PCM1: variants seen among roughly 807,000 people sequenced by gnomAD.
The protein encoded by PCM1 is pericentriolar material 1 protein.
PCM1 carries 157 observed loss-of-function variants against 241.9 expected under a neutral mutation model. The ratio of observed to expected loss-of-function variants is 0.65; its 90% CI spans 0.57 to 0.74. The LOEUF (loss-of-function observed/expected upper bound fraction) is 0.74. Ranked by LOEUF, PCM1 falls within the 30% of genes least tolerant of loss-of-function variation. PCM1 has a pLI of 0.00. For synonymous variants in PCM1, 1,085 were observed against 784.9 expected (o/e 1.38, Z -6.39); for missense variants, 3,478 against 2,360.1 (o/e 1.47, Z -9.81).
rs1455310790 is a variant in PCM1, at chr8:17,972,599, G to A, written c.3855G>A (p.Gln1285=). ...TCAAGACAAGAAAAGCGTCTGCACA[G>A]GCCAGCCTGGCATCTAAAGATAAAA... ...KTFKTRKASA[Q]ASLASKDKTP... Residue 1285 remains glutamine (Q), a synonymous_variant, in exon 23 of 39, where the codon CAG becomes CAA. Coordinates refer to ENST00000325083, the MANE Select transcript of PCM1 (RefSeq NM_006197.4). 16 of 1,600,772 alleles carry A rather than the reference G, an allele frequency of 1.0e-5. No homozygotes were observed. Among genetic ancestry groups the A allele is most frequent in the Non-Finnish European group, 1.4e-5 (16 of 1,175,692 alleles).
At chr8:17,943,661 T>G (rs1182249313) in intron 6 of PCM1, among the ~76,000 whole-genome samples, 1 of 152,208 alleles carries the variant, frequency 6.6e-6, no homozygotes, top group African/African-American at 2.4e-5. Flanking sequence ...ACTTTCTTGA[T>G]TCTTAAGGCT....
At chr8:17,994,794 G>A (rs992998758) in intron 29 of PCM1, among the ~76,000 whole-genome samples, 1 of 151,496 alleles carries the variant, frequency 6.6e-6, no homozygotes, top group South Asian at 2.1e-4. Flanking sequence ...ATCATGTTGA[G>A]CACCTTTTAT....
intron 9 of PCM1, among the ~76,000 whole-genome samples, chr8:17,954,578 G>A (rs892606218): frequency 2.6e-5 from 4 of 152,194 alleles, no homozygotes; most frequent in Non-Finnish European, 4.4e-5. Flanking sequence ...CAGTGTGAGA[G>A]CAGCAGCAAA....
chr8:18,027,483 C>G (rs1020151253), intron 38 of PCM1, among the ~76,000 whole-genome samples, 154 bp from the exon 39 acceptor site: 2 of 152,136 alleles, frequency 1.3e-5, no homozygotes, highest in Non-Finnish European at 2.9e-5. Flanking sequence ...TCTTTTTTTA[C>G]TGTGTGCTAT....
At chr8:18,019,372 A>G (rs375816402) in intron 36 of PCM1, among the ~76,000 whole-genome samples, 31 of 152,060 alleles carry the variant, frequency 2.0e-4, no homozygotes, top group African/African-American at 5.6e-4. Flanking sequence ...ATGGAAGACA[A>G]TTTTTCCATG....
chr8:18,002,062 T>C (rs1377471180), intron 29 of PCM1, among the ~76,000 whole-genome samples: 1 of 30,888 alleles, frequency 3.2e-5, no homozygotes, highest in Non-Finnish European at 5.9e-5. Context: ...AATTTTTTTT[T>C]TCTTTTTTTT....
intron 23 of PCM1, among the ~76,000 whole-genome samples, chr8:17,976,312 G>A (rs896738335): frequency 7.2e-5 from 11 of 152,248 alleles, no homozygotes. Context: ...GCTAGCTAAC[G>A]ATTGTCCCTT....
At chr8:18,001,995 C>CTTTTTTTTTTTTTTTTTTT (rs1166401113) in intron 29 of PCM1, among the ~76,000 whole-genome samples, 1 of 23,404 alleles carries the variant, frequency 4.3e-5, no homozygotes, top group Admixed American at 7.6e-4. Flanking sequence ...TCTAACCTTT[C>CTTTTTTTTTTTTTTTTTTT]TTTTTTTTTT....
chr8:17,935,726 A>C lies in PCM1; in HGVS notation c.96+20A>C, dbSNP rs1469699506. On this transcript the variant is annotated intron_variant, in intron 3 of 38. Coordinates refer to ENST00000325083, the MANE Select transcript of PCM1 (RefSeq NM_006197.4). The stretch of plus-strand genomic sequence containing the variant: ...AATATGGTATGATTCCTTACTCTTC[A>C]TGGTGTGTTGTTGGCTATTAATGTT... The C allele has an allele frequency of 9.1e-7, 1 of 1,102,954 alleles. No individual in the cohort carries two copies. The highest frequency in any genetic ancestry group is 1.4e-6 in the Non-Finnish European group (1 of 715,994). The allele number at this position is 1,102,954 out of a possible 1,614,324, so 68.3% of individuals were successfully genotyped here. A position where few individuals can be genotyped will look rare whatever the true frequency, so the allele number is the denominator to read the frequency against.
At chr8:17,993,432 G>A (rs2085489911) in intron 28 of PCM1, 51 bp from the exon 29 acceptor site, 6 of 1,263,938 alleles carry the variant, frequency 4.7e-6, no homozygotes, top group African/African-American at 1.5e-5. Context: ...AGGCATATAT[G>A]TATATATAAT....
At chr8:17,952,464 A>G (rs1323678733) in intron 8 of PCM1, among the ~76,000 whole-genome samples, 4 of 152,164 alleles carry the variant, frequency 2.6e-5, no homozygotes, top group Admixed American at 6.5e-5. Flanking sequence ...CTCTAAAACT[A>G]TGTAGAGTCA....
At position 17,938,760 on chromosome 8, in the gene PCM1, C is replaced by T. The variant is rs371937176; in HGVS notation, c.363C>T (p.Ser121=). ...TATAGAGAAGCATTGGAAGTGATTC[C>T]CAAGGTAGAGCAACAGCTGCTAACA... is the stretch of plus-strand genomic sequence containing the variant. ...DLDQRSIGSD[S]QGRATAANNK... The change falls in exon 5 of 39, where the codon TCC becomes TCT. Residue 121 remains serine, a synonymous_variant. Transcript: ENST00000325083. 5 of 1,611,340 alleles carry T rather than the reference C, an allele frequency of 3.1e-6. No individual in the cohort carries two copies. In the African/African-American group the frequency reaches 6.7e-5, roughly 22 times the overall value.
intron 28 of PCM1, among the ~76,000 whole-genome samples, chr8:17,991,969 C>T (rs1279584172): frequency 6.6e-6 from 1 of 152,166 alleles, no homozygotes; most frequent in African/African-American, 2.4e-5. Flanking sequence ...TTTTCCATTC[C>T]TAAGTTACAT....
intron 9 of PCM1, among the ~76,000 whole-genome samples, chr8:17,955,060 CAT>C (rs2067605754): frequency 6.6e-6 from 1 of 152,068 alleles, no homozygotes; most frequent in Non-Finnish European, 1.5e-5. Flanking sequence ...GAGTACTGCA[CAT>C]GATTCATAGT....
chr8:17,985,154 A>T (rs1254060872), intron 24 of PCM1, among the ~76,000 whole-genome samples: 4 of 151,926 alleles, frequency 2.6e-5, no homozygotes, highest in Admixed American at 1.3e-4. Flanking sequence ...TATAAAATGT[A>T]TAATATTTTC....
intron 3 of PCM1, among the ~76,000 whole-genome samples, chr8:17,936,892 A>G (rs1014389518): frequency 1.1e-4 from 17 of 152,168 alleles, no homozygotes; most frequent in Non-Finnish European, 2.2e-4. Flanking sequence ...GAGGATTTGT[A>G]TTTGTTAGTG....
chr8:18,010,544 T>C (rs1429716759), intron 31 of PCM1, 65 bp from the exon 32 acceptor site: 82 of 1,220,922 alleles, frequency 6.7e-5, no homozygotes, highest in Non-Finnish European at 9.4e-5. Context: ...GGCTGAGACA[T>C]GAGAAATGCT....
intron 2 of PCM1, chr8:17,925,990 C>T (rs2056797156): frequency 6.6e-6 from 1 of 150,386 alleles, no homozygotes; most frequent in Admixed American, 6.6e-5. Context: ...AATTATAATT[C>T]TCAGTGGGTT....
chr8:17,991,835 T>G, intron 28 of PCM1, 135 bp downstream of exon 28: 1 of 551,980 alleles, frequency 1.8e-6, no homozygotes. Context: ...CAGTGTGTAT[T>G]GTTTGATCCC....
Sources: gnomAD v4.1 joint callset for allele counts (sites outside exome capture counted in the v4.1 genomes callset) on GRCh38, gnomAD v4.1.1 for gene constraint, MANE v1.5 for transcripts, NCBI Gene and HGNC (gene_info 2026-07-23, HGNC 2026-07-21) for gene names.